The following TRDN variants were observed in gnomAD, a reference collection of about 807,000 sequenced individuals.
The protein encoded by TRDN is triadin, also known as triadin in skeletal muscle.
TRDN carries 161 observed loss-of-function variants against 149.7 expected under a neutral mutation model. The observed-to-expected ratio is 1.08, with a 90% CI of 0.95 to 1.23. The LOEUF is 1.23. Among genes scored for constraint, TRDN ranks in the 50% most tolerant of loss-of-function variants. TRDN has a pLI of 0.00. For synonymous variants in TRDN, 294 were observed against 250.5 expected (o/e 1.17, Z -1.64); for missense variants, 896 against 823.5 (o/e 1.09, Z -1.08).
chr6:123,309,596 T>C (rs1248799472), intron 24 of TRDN, among the ~76,000 whole-genome samples: 2 of 151,994 alleles, frequency 1.3e-5, no homozygotes, highest in African/African-American at 4.8e-5. Context: ...TTTATAGTAA[T>C]TTCCTTGTCT....
chr6:123,621,860 G>A (rs1236980404), intron 1 of TRDN, among the ~76,000 whole-genome samples: 1 of 152,162 alleles, frequency 6.6e-6, no homozygotes, highest in South Asian at 2.1e-4. Flanking sequence ...GAGAGTCAAA[G>A]TATGGATAGA....
rs2114437018 is a variant in TRDN, at chr6:123,548,558, A to G, written c.287T>C (p.Met96Thr). Reference sequence around the variant, plus strand: ...ATAGATCCAGTCCGTGGTTTCCTCCATAGCATCACGTACCAGTTTTAAAGG... The same window carrying G: ...ATAGATCCAGTCCGTGGTTTCCTCCGTAGCATCACGTACCAGTTTTAAAGG... Reference protein sequence around the residue: ...SDPLKLVRDAMEETTDWIYGF... With the variant: ...SDPLKLVRDATEETTDWIYGF... The change falls in exon 3 of 41, where the codon ATG becomes ACG. Residue 96 changes from methionine (M) to threonine (T), a missense_variant. Coordinates refer to ENST00000334268, the MANE Select transcript of TRDN (RefSeq NM_006073.4). 1 of 1,570,862 alleles carries G rather than the reference A, an allele frequency of 6.4e-7. No homozygotes were observed. Among genetic ancestry groups the G allele is most frequent in the Admixed American group, 1.8e-5 (1 of 54,312 alleles).
chr6:123,431,942 C>T (rs577806210), intron 12 of TRDN, among the ~76,000 whole-genome samples: 3 of 152,152 alleles, frequency 2.0e-5, no homozygotes, highest in African/African-American at 7.2e-5. Flanking sequence ...ATGAGAAAAG[C>T]AGATTTTGTA....
At chr6:123,263,721 C>G (rs113320165) in intron 33 of TRDN, among the ~76,000 whole-genome samples, 68 of 152,192 alleles carry the variant, frequency 4.5e-4, no homozygotes, top group African/African-American at 1.3e-3. Flanking sequence ...CAATATCTGG[C>G]TTCAAAGCTT....
intron 8 of TRDN, among the ~76,000 whole-genome samples, chr6:123,501,020 C>G (rs993281288): frequency 6.6e-6 from 1 of 151,880 alleles, no homozygotes; most frequent in Non-Finnish European, 1.5e-5. Context: ...ACTCTACAAA[C>G]AGATTTAGAT....
In TRDN at chr6:123,551,220, A is replaced by ATATATATATCCCT. The variant is rs1554256513; in HGVS notation, c.233-2609_233-2608insAGGGATATATATA. ...ATTTTGCAGATATATATATATATAT[A>ATATATATATCCCT]TATTGCCTGGTTCTAAAATTGCCAA... On this transcript the variant is annotated intron_variant, in intron 2 of 40. Transcript: ENST00000334268. 2.5e-3 allele frequency among the ~76,000 whole-genome samples: 318 copies of ATATATATATCCCT among 129,274 alleles called. 21 individuals are homozygous for ATATATATATCCCT. The highest frequency in any genetic ancestry group is 8.3e-3 in the Middle Eastern group (2 of 242). 84.8% of individuals were successfully genotyped at this position (129,274 alleles called of 152,430 possible).
intron 24 of TRDN, among the ~76,000 whole-genome samples, chr6:123,305,618 CA>C (rs1356410501): frequency 6.6e-6 from 1 of 152,036 alleles, no homozygotes; most frequent in Non-Finnish European, 1.5e-5. Flanking sequence ...CAAACTAGGA[CA>C]AAAAGTTTCT....
At position 123,632,918 on chromosome 6, in the gene TRDN, G is replaced by A. The variant is rs183825853; in HGVS notation, c.22+3836C>T. On this transcript the variant is annotated intron_variant, in intron 1 of 40. Transcript: ENST00000334268. Reference sequence around the variant, plus strand: ...GTGCTGCAGACTCTATGGGAGTAATGCAGTGTGTAGAATATAAATGACCAT... The same window carrying A: ...GTGCTGCAGACTCTATGGGAGTAATACAGTGTGTAGAATATAAATGACCAT... Among the ~76,000 whole-genome samples the A allele has an allele frequency of 4.0e-5, 6 of 151,880 alleles. No individual in the cohort carries two copies. The East Asian group carries it at 1.2e-3, about 30-fold the overall frequency.
chr6:123,253,256 T>C (rs1582780047), intron 37 of TRDN, among the ~76,000 whole-genome samples: 1 of 152,136 alleles, frequency 6.6e-6, no homozygotes, highest in East Asian at 1.9e-4. Context: ...ACATTCTAAT[T>C]TCTTGAAAAA....
chr6:123,478,544 G>A (rs1777602796), intron 9 of TRDN, among the ~76,000 whole-genome samples: 1 of 152,214 alleles, frequency 6.6e-6, no homozygotes, highest in Non-Finnish European at 1.5e-5. Context: ...GGTGAAGACA[G>A]AAGATATAGG....
At chr6:123,475,816 T>C (rs1426559368) in intron 9 of TRDN, among the ~76,000 whole-genome samples, 1 of 151,824 alleles carries the variant, frequency 6.6e-6, no homozygotes, top group Non-Finnish European at 1.5e-5. Context: ...ACCACATGAT[T>C]ATCTCAATAG....
At position 123,636,791 on chromosome 6, in the gene TRDN, TAA is replaced by T. The variant is rs752242112; in HGVS notation, c.-18_-17del. 2.5e-6 allele frequency: 4 copies of T among 1,611,404 alleles called. No homozygotes were observed. Among genetic ancestry groups the T allele is most frequent in the Admixed American group, 3.3e-5 (2 of 59,796 alleles). On this transcript the variant is annotated 5_prime_UTR_variant, in exon 1 of 41. Coordinates refer to ENST00000334268, the MANE Select transcript of TRDN (RefSeq NM_006073.4). ...TCTCAGTCATGGTGGTCGTCAAAAG[TAA>T]AAGTCAGTTGAAAAGTTCCCGTCAA...
rs1776895400 is a variant in TRDN at position 123,265,149 on chromosome 6, T to C, written c.1804+169A>G. On this transcript the variant is annotated intron_variant, in intron 33 of 40. Transcript: ENST00000334268. ...GTGCTTTTTGTCTCCAAGGTATGCC[T>C]GTGCACACAATATCCTTTGTCAACC... Among the ~76,000 whole-genome samples the C allele has an allele frequency of 2.0e-5, 3 of 152,048 alleles. No individual in the cohort carries two copies. In the Admixed American group the frequency reaches 2.0e-4, roughly 10 times the overall value.
Position 123,462,353 on chromosome 6 carries a change from A to G in TRDN, c.931+2553T>C, listed in dbSNP as rs572609581. ...CAAGAAGTACACAGATACTTCCCAG[A>G]ACAAAGTAAGTACTGTGCAAGTTTT... On this transcript the variant is annotated intron_variant, in intron 10 of 40. Coordinates refer to ENST00000334268, the MANE Select transcript of TRDN (RefSeq NM_006073.4). 4.6e-5 allele frequency: 7 copies of G among 152,336 alleles called. No homozygotes were observed. In the South Asian group the frequency reaches 1.4e-3, roughly 32 times the overall value. The allele number at this position is 152,336 out of a possible 1,614,324, so 9.4% of individuals were successfully genotyped here. A position where few individuals can be genotyped will look rare whatever the true frequency, so the allele number is the denominator to read the frequency against.
Position 123,570,887 on chromosome 6 carries a change from A to G in TRDN, c.232+36T>C, listed in dbSNP as rs148740495. 4.5e-4 allele frequency: 711 copies of G among 1,586,784 alleles called. 7 individuals carry two copies. In the East Asian group the frequency reaches 0.013, roughly 29 times the overall value. ...GACACTGTTTCTTTCCATTTGAATT[A>G]ATTTTAATTTTAAAGCCAAATTTTA... is the stretch of plus-strand genomic sequence containing the variant. On this transcript the variant is annotated intron_variant, in intron 2 of 40. Transcript: ENST00000334268.
At chr6:123,517,248 AAGAAATTAG>A (rs935800040) in intron 5 of TRDN, among the ~76,000 whole-genome samples, 1 of 152,122 alleles carries the variant, frequency 6.6e-6, no homozygotes, top group African/African-American at 2.4e-5. Context: ...GAGAAATGAG[AAGAAATTAG>A]CCTAGTAAGA....
At chr6:123,484,433 A>G (rs942006244) in intron 9 of TRDN, among the ~76,000 whole-genome samples, 6 of 152,314 alleles carry the variant, frequency 3.9e-5, no homozygotes, top group East Asian at 1.9e-4. Context: ...ACTTGTGCAT[A>G]TAAACTAACA....
At chr6:123,277,155 AAAGAG>A (rs1379405895) in intron 26 of TRDN, among the ~76,000 whole-genome samples, 1 of 152,180 alleles carries the variant, frequency 6.6e-6, no homozygotes. Flanking sequence ...ACAGGTTCAA[AAAGAG>A]AAGAGGAATT....
intron 3 of TRDN, among the ~76,000 whole-genome samples, chr6:123,547,938 G>A (rs537662162): frequency 5.3e-5 from 8 of 151,956 alleles, no homozygotes; most frequent in Non-Finnish European, 1.2e-4. Context: ...AGGACATTTA[G>A]AATGTGTCCT....
Sources: allele counts gnomAD v4.1 joint callset (sites outside exome capture counted in the v4.1 genomes callset), GRCh38; gene constraint gnomAD v4.1.1; transcripts MANE v1.5; gene names NCBI Gene and HGNC (gene_info 2026-07-23, HGNC 2026-07-21).